The following TGFBR2 variants were observed in gnomAD, a reference collection of about 807,000 sequenced individuals.
The protein encoded by TGFBR2 is transforming growth factor beta receptor 2.
Under a neutral mutation model 49.0 loss-of-function variants are expected in TGFBR2, and 18 were observed. The ratio of observed to expected loss-of-function variants is 0.37; its 90% confidence interval spans 0.25 to 0.54. The LOEUF is 0.54. Ranked by LOEUF, TGFBR2 falls within the 20% of genes least tolerant of loss-of-function variation. The pLI is 0.85. For synonymous variants in TGFBR2, 282 were observed against 275.9 expected (o/e 1.02, Z -0.22); for missense variants, 525 against 722.6 (o/e 0.73, Z 3.13).
chr3:30,671,951 T>C lies in TGFBR2; in HGVS notation c.768T>C (p.Ala256=), dbSNP rs1412722805. ...LDTLVGKGRF[A]EVYKAKLKQN... is the part of the protein sequence containing the mutation. ...CCCTGGTGGGGAAAGGTCGCTTTGC[T>C]GAGGTCTATAAGGCCAAGCTGAAGC... Residue 256 remains alanine (A), a synonymous_variant, in exon 4 of 7, where the codon GCT becomes GCC. Coordinates refer to ENST00000295754, the MANE Select transcript of TGFBR2 (RefSeq NM_003242.6). 2 of 1,614,156 alleles carry C rather than the reference T, an allele frequency of 1.2e-6. No individual in the cohort carries two copies. Among genetic ancestry groups the C allele is most frequent in the African/African-American group, 2.7e-5 (2 of 75,048 alleles).
rs112580551 is a variant in TGFBR2 at position 30,626,061 on chromosome 3, T to G, written c.95-18686T>G. 2.1e-3 allele frequency among the ~76,000 whole-genome samples: 318 copies of G among 152,334 alleles called. 1 individual carries two copies. The highest frequency in any genetic ancestry group is 7.3e-3 in the African/African-American group (304 of 41,572). On this transcript the variant is annotated intron_variant, in intron 1 of 6. Transcript: ENST00000295754. Reference sequence around the variant, plus strand: ...ACCTAGAAGTTCTGACTCATTGCCCTGGGGTAGGACTTTGGCATCATTATT... The same window carrying G: ...ACCTAGAAGTTCTGACTCATTGCCCGGGGGTAGGACTTTGGCATCATTATT...
At position 30,691,608 on chromosome 3, in the gene TGFBR2, G is replaced by A; in HGVS notation, c.*9G>A. On this transcript the variant is annotated 3_prime_UTR_variant, in exon 7 of 7. Coordinates refer to ENST00000295754, the MANE Select transcript of TGFBR2 (RefSeq NM_003242.6). ...TAAACACTACCAAATAGCTCTTCTG[G>A]GGCAGGCTGGGCCATGTCCAAAGAG... The A allele has an allele frequency of 6.2e-7, 1 of 1,613,946 alleles. No homozygotes were observed.
intron 1 of TGFBR2, among the ~76,000 whole-genome samples, chr3:30,625,780 T>C (rs1013032234): frequency 6.6e-6 from 1 of 152,202 alleles, no homozygotes; most frequent in East Asian, 1.9e-4. Flanking sequence ...ATGTATATAA[T>C]AATGTTCTGG....
chr3:30,610,887 C>A (rs980496088), intron 1 of TGFBR2, among the ~76,000 whole-genome samples: 2 of 152,166 alleles, frequency 1.3e-5, no homozygotes, highest in African/African-American at 4.8e-5. Context: ...CTATTTGTGT[C>A]ACTACACATA....
chr3:30,607,011 C>T, intron 1 of TGFBR2, 34 bp downstream of exon 1: 1 of 1,541,866 alleles, frequency 6.5e-7, no homozygotes, highest in Non-Finnish European at 8.8e-7. Context: ...CGGCGGGGCG[C>T]CGGGGGTCTT....
intron 1 of TGFBR2, 55 bp from the exon 2 acceptor site, chr3:30,644,692 T>A: frequency 6.4e-7 from 1 of 1,551,420 alleles, no homozygotes; most frequent in Non-Finnish European, 8.9e-7. Flanking sequence ...AGGAATTCAT[T>A]GGCAGGCTGC....
chr3:30,669,239 C>A (rs989568787), intron 3 of TGFBR2, among the ~76,000 whole-genome samples: 2 of 150,776 alleles, frequency 1.3e-5, no homozygotes. Flanking sequence ...TGCACTGCTG[C>A]CTGGGTAACA....
chr3:30,607,787 T>TA (rs1282819756), intron 1 of TGFBR2, among the ~76,000 whole-genome samples: 35 of 127,702 alleles, frequency 2.7e-4, no homozygotes, highest in African/African-American at 1.0e-3. Flanking sequence ...AAGGAAAAAA[T>TA]AAAAATAAAA....
chr3:30,656,986 A>G (rs896124877), intron 3 of TGFBR2, among the ~76,000 whole-genome samples: 1 of 152,174 alleles, frequency 6.6e-6, no homozygotes, highest in East Asian at 1.9e-4. Flanking sequence ...GTCTTGTTTC[A>G]TAGACTCATT....
At chr3:30,688,635 A>T (rs1699663938) in intron 6 of TGFBR2, 124 bp downstream of exon 6, 1 of 1,402,382 alleles carries the variant, frequency 7.1e-7, no homozygotes. Flanking sequence ...TGGCCCTGTT[A>T]AATTTTGTTT....
intron 1 of TGFBR2, among the ~76,000 whole-genome samples, chr3:30,632,926 C>T (rs1453594133): frequency 6.6e-6 from 1 of 152,156 alleles, no homozygotes; most frequent in Non-Finnish European, 1.5e-5. Context: ...TATATGTCTC[C>T]TAAAATAAGT....
At chr3:30,607,833 ATAT>A (rs1340813811) in intron 1 of TGFBR2, among the ~76,000 whole-genome samples, 4 of 125,974 alleles carry the variant, frequency 3.2e-5, no homozygotes, top group African/African-American at 1.7e-4. Flanking sequence ...ATAAATATAT[ATAT>A]AATTATATAT....
At chr3:30,639,639 ATTCT>A (rs532470365) in intron 1 of TGFBR2, among the ~76,000 whole-genome samples, 2 of 152,342 alleles carry the variant, frequency 1.3e-5, no homozygotes, top group African/African-American at 4.8e-5. Context: ...TCCATGGATT[ATTCT>A]TTGAGATGTT....
At chr3:30,621,991 T>G (rs1175824482) in intron 1 of TGFBR2, among the ~76,000 whole-genome samples, 1 of 152,226 alleles carries the variant, frequency 6.6e-6, no homozygotes, top group Non-Finnish European at 1.5e-5. Context: ...ATTAGATGTC[T>G]GTGTAAGCCA....
intron 1 of TGFBR2, among the ~76,000 whole-genome samples, chr3:30,632,064 A>G (rs1235411718): frequency 6.6e-6 from 1 of 152,200 alleles, no homozygotes; most frequent in African/African-American, 2.4e-5. Context: ...TTAAAAATCT[A>G]CTACAATTGT....
chr3:30,642,327 G>A (rs1302158771), intron 1 of TGFBR2, among the ~76,000 whole-genome samples: 7 of 152,096 alleles, frequency 4.6e-5, no homozygotes, highest in Non-Finnish European at 8.8e-5. Flanking sequence ...GGGGGTTGCT[G>A]TTTTGTTTTC....
At chr3:30,618,102 A>T (rs1480055740) in intron 1 of TGFBR2, among the ~76,000 whole-genome samples, 2 of 152,168 alleles carry the variant, frequency 1.3e-5, no homozygotes, top group Admixed American at 6.5e-5. Context: ...TAGCAAGTCA[A>T]CTAAATGAGT....
Position 30,644,894 on chromosome 3 carries a change from A to G in TGFBR2, c.242A>G (p.Gln81Arg). ...ATCACCTCCATCTGTGAGAAGCCAC[A>G]GGAAGTCTGTGTGGCTGTATGGTAA... Reference protein sequence around the residue: ...CSITSICEKPQEVCVAVWRKN... With the variant: ...CSITSICEKPREVCVAVWRKN... Residue 81 changes from glutamine to arginine, a missense_variant, in exon 2 of 7, where the codon CAG (glutamine) becomes CGG (arginine). Transcript: ENST00000295754. The G allele has an allele frequency of 6.2e-7, 1 of 1,614,174 alleles. No homozygotes were observed. Among genetic ancestry groups the G allele is most frequent in the Non-Finnish European group, 8.5e-7 (1 of 1,180,004 alleles).
intron 1 of TGFBR2, among the ~76,000 whole-genome samples, chr3:30,617,515 C>T (rs373967606): frequency 4.6e-5 from 7 of 152,234 alleles, no homozygotes; most frequent in South Asian, 4.1e-4. Flanking sequence ...AATCTCAATA[C>T]CCCTGGGCAC....
Sources: allele counts gnomAD v4.1 joint callset (sites outside exome capture counted in the v4.1 genomes callset), GRCh38; gene constraint gnomAD v4.1.1; transcripts MANE v1.5; gene names NCBI Gene and HGNC (gene_info 2026-07-23, HGNC 2026-07-21).